The following NTN1 variants were observed in gnomAD, a reference collection of about 807,000 sequenced individuals.
NTN1 encodes netrin-1.
In NTN1, 11 loss-of-function variants were observed where a neutral mutation model predicts 54.2. The ratio of observed to expected loss-of-function variants is 0.20; its 90% CI spans 0.13 to 0.34. The LOEUF (loss-of-function observed/expected upper bound fraction) is 0.34, where lower values mean the gene tolerates loss of function less well. Ranked by LOEUF, NTN1 falls within the 10% of genes least tolerant of loss-of-function variation. The pLI, the probability that NTN1 is intolerant of heterozygous loss-of-function variation, is 1.00. For synonymous variants in NTN1, 371 were observed against 382.0 expected (o/e 0.97, Z 0.33); for missense variants, 740 against 893.1 (o/e 0.83, Z 2.18).
chr17:9,088,184 C>T (rs372283242), intron 2 of NTN1, among the ~76,000 whole-genome samples: 1 of 152,338 alleles, frequency 6.6e-6, no homozygotes. Flanking sequence ...GACAGGGGAC[C>T]AGCTCCCGAC....
intron 2 of NTN1, among the ~76,000 whole-genome samples, chr17:9,083,425 G>A (rs778172776): frequency 2.2e-4 from 34 of 152,216 alleles, no homozygotes; most frequent in Non-Finnish European, 4.1e-4. Context: ...ATCCAGTCAG[G>A]ATGATTCCAT....
chr17:9,217,109 T>C (rs2142351861), intron 5 of NTN1, among the ~76,000 whole-genome samples: 1 of 152,032 alleles, frequency 6.6e-6, no homozygotes, highest in African/African-American at 2.4e-5. Context: ...TGGTCCCTAG[T>C]GGTCCTGAAA....
At chr17:9,215,584 A>C (rs1163470015) in intron 5 of NTN1, among the ~76,000 whole-genome samples, 1 of 152,242 alleles carries the variant, frequency 6.6e-6, no homozygotes, top group African/African-American at 2.4e-5. Flanking sequence ...GAGCCCTTGC[A>C]CATTTGAGAA....
intron 6 of NTN1, among the ~76,000 whole-genome samples, chr17:9,226,501 T>C (rs62068242): frequency 0.02 from 462 of 23,640 alleles, 4 homozygotes; most frequent in East Asian, 0.044. Flanking sequence ...CGTGGGGAGG[T>C]GGTCTCGTGG....
intron 2 of NTN1, among the ~76,000 whole-genome samples, chr17:9,089,897 T>A (rs1567707834): frequency 1.3e-5 from 2 of 152,026 alleles, no homozygotes; most frequent in African/African-American, 4.8e-5. Flanking sequence ...CTTTTTTTTT[T>A]AAACACCAAC....
intron 2 of NTN1, among the ~76,000 whole-genome samples, chr17:9,150,980 A>G: frequency 6.6e-6 from 1 of 152,056 alleles, no homozygotes; most frequent in Admixed American, 6.5e-5. Context: ...CCTGATCCCA[A>G]ACCCCACGAA....
At chr17:9,207,972 G>A (rs1332986494) in intron 5 of NTN1, among the ~76,000 whole-genome samples, 1 of 152,188 alleles carries the variant, frequency 6.6e-6, no homozygotes, top group African/African-American at 2.4e-5. Flanking sequence ...AGTGGCTCAC[G>A]CCTGTAATCC....
At chr17:9,008,081 G>A in the NTN1 span, among the ~76,000 whole-genome samples, 356 of 152,132 alleles carry the variant, frequency 2.3e-3, no homozygotes, top group African/African-American at 8.2e-3. Flanking sequence ...ACCCTGAGCT[G>A]AAGTGGATAC....
At chr17:9,223,601 G>T (rs1244431251) in intron 6 of NTN1, among the ~76,000 whole-genome samples, 1 of 152,106 alleles carries the variant, frequency 6.6e-6, no homozygotes, top group East Asian at 1.9e-4. Flanking sequence ...GAGCTGCAGG[G>T]ACTGCATCCT....
chr17:9,131,712 C>G (rs757366099), intron 2 of NTN1, among the ~76,000 whole-genome samples: 31 of 151,966 alleles, frequency 2.0e-4, no homozygotes, highest in Admixed American at 9.8e-4. Context: ...TCCCAAGTAA[C>G]TGGGATTACA....
At chr17:9,187,847 G>A (rs2142324398) in intron 5 of NTN1, among the ~76,000 whole-genome samples, 1 of 151,704 alleles carries the variant, frequency 6.6e-6, no homozygotes, top group Admixed American at 6.6e-5. Flanking sequence ...AAAAAGAAAT[G>A]AAGTTCTGAC....
chr17:9,070,812 G>A (rs1436507594), intron 2 of NTN1, among the ~76,000 whole-genome samples: 1 of 152,134 alleles, frequency 6.6e-6, no homozygotes, highest in African/African-American at 2.4e-5. Context: ...GGCTGGTCTC[G>A]AATTCCTGAC....
rs578138536 is a variant in NTN1 at position 9,135,937 on chromosome 17, C to T, written c.1019-26876C>T. Reference sequence around the variant, plus strand: ...CTGCCACCCCAAACGTGTCTGTGTGCGCACGCTCACTCATACATGTGTGCA... The same window carrying T: ...CTGCCACCCCAAACGTGTCTGTGTGTGCACGCTCACTCATACATGTGTGCA... On this transcript the variant is annotated intron_variant, in intron 2 of 6. Coordinates refer to ENST00000173229, the MANE Select transcript of NTN1 (RefSeq NM_004822.3). This position sits in a 1 kb window ranked among gnomAD's most constrained non-coding sequence, Gnocchi z 4.4. Among the ~76,000 whole-genome samples, 12 of 152,282 alleles carry T rather than the reference C, an allele frequency of 7.9e-5. No homozygotes were observed. Among genetic ancestry groups the T allele is most frequent in the Admixed American group, 3.3e-4 (5 of 15,290 alleles).
chr17:9,169,906 G>C (rs1034869550), intron 3 of NTN1, among the ~76,000 whole-genome samples: 1 of 152,198 alleles, frequency 6.6e-6, no homozygotes, highest in Non-Finnish European at 1.5e-5. Context: ...AGGATCTCCA[G>C]GGGTTCCTGT....
At chr17:9,224,822 T>TC (rs928070076) in intron 6 of NTN1, among the ~76,000 whole-genome samples, 45 of 151,778 alleles carry the variant, frequency 3.0e-4, no homozygotes, top group Non-Finnish European at 8.8e-5. Context: ...CACAGTGGGA[T>TC]CCCCCCTGGG....
chr17:9,067,057 G>A (rs1401007756), intron 2 of NTN1, among the ~76,000 whole-genome samples: 3 of 151,622 alleles, frequency 2.0e-5, no homozygotes, highest in Non-Finnish European at 4.4e-5. Context: ...GGCCGAGGTG[G>A]GCGGATCACA....
intron 2 of NTN1, among the ~76,000 whole-genome samples, chr17:9,123,829 C>T (rs1487285345): frequency 3.3e-5 from 5 of 152,144 alleles, no homozygotes; most frequent in Admixed American, 2.6e-4. Flanking sequence ...TCTCATGATA[C>T]ATTTTAGGAT....
chr17:9,189,471 C>T (rs1046874624), intron 5 of NTN1, among the ~76,000 whole-genome samples: 1 of 152,230 alleles, frequency 6.6e-6, no homozygotes, highest in South Asian at 2.1e-4. Flanking sequence ...CCTGCCTCAG[C>T]TTCCTGAGTA....
chr17:9,220,991 C>A (rs1905328508), intron 5 of NTN1, among the ~76,000 whole-genome samples, 177 bp from the exon 6 acceptor site: 1 of 152,010 alleles, frequency 6.6e-6, no homozygotes, highest in Non-Finnish European at 1.5e-5. Flanking sequence ...CCCTTTGTCC[C>A]TCAGGCCTCT....
Sources: gnomAD v4.1 joint callset for allele counts (sites outside exome capture counted in the v4.1 genomes callset) on GRCh38, gnomAD v4.1.1 for gene constraint, Gnocchi (gnomAD v3.1) non-coding constraint, MANE v1.5 for transcripts, NCBI Gene and HGNC (gene_info 2026-07-23, HGNC 2026-07-21) for gene names.